Variants in HDAC9 observed in about 807,000 individuals in gnomAD.
HDAC9 encodes the protein histone deacetylase 9.
HDAC9 carries 41 observed loss-of-function variants against 139.4 expected under a neutral mutation model. That is an observed-to-expected ratio of 0.29 (90% CI 0.23 to 0.38). HDAC9 has a LOEUF of 0.38. HDAC9 is among the 10% of genes least tolerant of loss of function. The probability of loss-of-function intolerance (pLI) is 1.00; values close to 1 mark genes in which losing one functional copy is unlikely to be tolerated. For synonymous variants in HDAC9, 517 were observed against 476.2 expected (o/e 1.09, Z -1.12); for missense variants, 1,147 against 1,297.0 (o/e 0.88, Z 1.78).
chr7:18,424,554 T>C (rs1036849295), intron 1 of HDAC9, among the ~76,000 whole-genome samples: 9 of 152,222 alleles, frequency 5.9e-5, no homozygotes, highest in Non-Finnish European at 1.3e-4. Context: ...GGCTATTATG[T>C]GATTATATGA....
At chr7:18,763,866 A>C (rs1029843426) in intron 15 of HDAC9, among the ~76,000 whole-genome samples, 2 of 152,122 alleles carry the variant, frequency 1.3e-5, no homozygotes, top group African/African-American at 4.8e-5. Context: ...TCAACCTTCC[A>C]ACTTTATTGG....
At chr7:18,476,733 A>G (rs1387986067) in intron 1 of HDAC9, among the ~76,000 whole-genome samples, 1 of 152,194 alleles carries the variant, frequency 6.6e-6, no homozygotes, top group Non-Finnish European at 1.5e-5. Context: ...CAATAAACTT[A>G]TCTGTATATC....
At position 19,001,383 on chromosome 7, in the gene HDAC9, T is replaced by A. The variant is rs1463770009; in HGVS notation, c.*5321T>A. 2.0e-5 allele frequency: 3 copies of A among 152,086 alleles called. No individual in the cohort carries two copies. Among genetic ancestry groups the A allele is most frequent in the African/African-American group, 7.2e-5 (3 of 41,442 alleles). The allele number at this position is 152,086 out of a possible 1,614,324, so 9.4% of individuals were successfully genotyped here. Reference sequence around the variant, plus strand: ...GAAGCAAATGTTGCAATATTAAATATAATAGGGAGAGTTCACTGTTTCCTG... The same window carrying A: ...GAAGCAAATGTTGCAATATTAAATAAAATAGGGAGAGTTCACTGTTTCCTG... On this transcript the variant is annotated 3_prime_UTR_variant, in exon 26 of 26. Coordinates refer to ENST00000686413, the MANE Select transcript of HDAC9 (RefSeq NM_178425.4).
intron 2 of HDAC9, among the ~76,000 whole-genome samples, chr7:18,574,591 C>T (rs1470411686): frequency 2.0e-5 from 3 of 152,214 alleles, no homozygotes; most frequent in Admixed American, 2.0e-4. Context: ...CTGCCGCCAT[C>T]AGTCATGTTG....
chr7:18,440,421 G>A (rs1390636871), intron 1 of HDAC9, among the ~76,000 whole-genome samples: 1 of 152,036 alleles, frequency 6.6e-6, no homozygotes, highest in Non-Finnish European at 1.5e-5. Flanking sequence ...CTGACCACAA[G>A]TGCTCTGCCC....
intron 11 of HDAC9, among the ~76,000 whole-genome samples, chr7:18,658,661 A>G (rs2285439): frequency 0.13 from 19,032 of 152,092 alleles, 1,753 homozygotes; most frequent in East Asian, 0.4. Context: ...CAGAAGCAAA[A>G]TGACATGGAG....
intron 21 of HDAC9, among the ~76,000 whole-genome samples, chr7:18,873,042 C>T (rs532669239): frequency 2.8e-4 from 43 of 151,988 alleles, no homozygotes; most frequent in Admixed American, 1.3e-3. Flanking sequence ...CTCTAATATC[C>T]CAACATACAC....
intron 9 of HDAC9, among the ~76,000 whole-genome samples, chr7:18,647,485 G>T (rs1169707699): frequency 6.6e-6 from 1 of 152,048 alleles, no homozygotes; most frequent in Admixed American, 6.6e-5. Flanking sequence ...CAGATCTCTT[G>T]AATTTATTCT....
At chr7:18,424,406 GAAATA>G (rs937858308) in intron 1 of HDAC9, among the ~76,000 whole-genome samples, 5 of 152,178 alleles carry the variant, frequency 3.3e-5, no homozygotes, top group African/African-American at 1.2e-4. Context: ...CTATGAAGAT[GAAATA>G]AAATAATTAT....
intron 21 of HDAC9, among the ~76,000 whole-genome samples, chr7:18,840,131 A>G (rs1299098293): frequency 6.6e-6 from 1 of 152,110 alleles, no homozygotes; most frequent in Non-Finnish European, 1.5e-5. Context: ...AAAGAAATAT[A>G]AGCCCCTTCA....
In HDAC9 at chr7:18,972,364, CTTCTCTTTTTTTTTTTTT is replaced by C. The variant is rs1480218871; in HGVS notation, c.3023-3439_3023-3422del. 3.0e-5 allele frequency among the ~76,000 whole-genome samples: 4 copies of C among 133,852 alleles called. No individual in the cohort carries two copies. In the Admixed American group the frequency reaches 3.1e-4, roughly 10 times the overall value. The allele number at this position is 133,852 out of a possible 152,430, so 87.8% of individuals were successfully genotyped here. A position where few individuals can be genotyped will look rare whatever the true frequency, so the allele number is the denominator to read the frequency against. ...TTTAGTTAGCTCAATTTTCGATGAA[CTTCTCTTTTTTTTTTTTT>C]TTTTTTTTTTTTTTTTGAGATGGAG... On this transcript the variant is annotated intron_variant, in intron 24 of 25. Transcript: ENST00000686413.
intron 2 of HDAC9, among the ~76,000 whole-genome samples, chr7:18,556,642 G>GA (rs1298162217): frequency 2.0e-5 from 3 of 151,918 alleles, no homozygotes. Flanking sequence ...GCCACATATG[G>GA]AAAAATGTTC....
At chr7:18,514,613 A>G (rs1229251206) in intron 2 of HDAC9, among the ~76,000 whole-genome samples, 2 of 152,186 alleles carry the variant, frequency 1.3e-5, no homozygotes, top group Non-Finnish European at 2.9e-5. Context: ...AATTGTTTCC[A>G]GCTATCTTTT....
intron 2 of HDAC9, among the ~76,000 whole-genome samples, chr7:18,168,859 T>A (rs1012184829): frequency 6.7e-6 from 1 of 149,314 alleles, no homozygotes; most frequent in Non-Finnish European, 1.5e-5. Context: ...TCACAAGTTC[T>A]GAGGAGGTGC....
intron 1 of HDAC9, among the ~76,000 whole-genome samples, chr7:18,452,297 G>A (rs1331521713): frequency 6.6e-6 from 1 of 152,138 alleles, no homozygotes; most frequent in African/African-American, 2.4e-5. Context: ...AGAAGTGGCA[G>A]CAGGAACATT....
chr7:18,127,184 AT>A (rs2128098771), intron 1 of HDAC9: 1 of 168,518 alleles, frequency 5.9e-6, no homozygotes, highest in African/African-American at 2.4e-5. Flanking sequence ...TCAGAAAAAA[AT>A]ATAGGACACC....
chr7:18,162,194 T>C, intron 1 of HDAC9: 1 of 759,320 alleles, frequency 1.3e-6, no homozygotes, highest in Non-Finnish European at 2.2e-6. Context: ...TGATATAGCT[T>C]GTATCTTAAA....
intron 1 of HDAC9, among the ~76,000 whole-genome samples, chr7:18,134,760 A>G (rs1435147993): frequency 2.0e-5 from 3 of 152,176 alleles, no homozygotes; most frequent in South Asian, 2.1e-4. Flanking sequence ...TTTATTTGCT[A>G]CATTAGGGAT....
chr7:18,437,529 G>A (rs1240872067), intron 1 of HDAC9, among the ~76,000 whole-genome samples: 2 of 148,430 alleles, frequency 1.3e-5, no homozygotes, highest in East Asian at 2.0e-4. Flanking sequence ...CAGATAATGT[G>A]TATATATATA....
Sources: allele counts gnomAD v4.1 joint callset (sites outside exome capture counted in the v4.1 genomes callset), GRCh38; gene constraint gnomAD v4.1.1; transcripts MANE v1.5; gene names NCBI Gene and HGNC (gene_info 2026-07-23, HGNC 2026-07-21).